The following FAM227A variants were observed in gnomAD, a reference collection of about 807,000 sequenced individuals.
The protein encoded by FAM227A is family with sequence similarity 227 member A.
Under a neutral mutation model 74.7 loss-of-function variants are expected in FAM227A, and 80 were observed. The observed-to-expected ratio is 1.07, with a 90% CI of 0.89 to 1.29. The LOEUF (loss-of-function observed/expected upper bound fraction) is 1.29, where lower values mean the gene tolerates loss of function less well. FAM227A is among the 50% of genes most tolerant of loss of function. FAM227A has a pLI of 0.00. For missense variants in FAM227A, 654 were observed against 683.4 expected, an observed-to-expected ratio of 0.96 and a Z score of 0.48; for synonymous variants, 237 against 241.8, an observed-to-expected ratio of 0.98 and a Z score of 0.19.
intron 6 of FAM227A, 134 bp from the exon 7 acceptor site, chr22:38,629,069 C>A: frequency 1.7e-6 from 1 of 605,832 alleles, no homozygotes; most frequent in Admixed American, 3.1e-5. Context: ...ATTTTACATA[C>A]TCTCATTTAA....
At chr22:38,597,121 C>A in intron 15 of FAM227A, 83 bp downstream of exon 15, 1 of 1,380,858 alleles carries the variant, frequency 7.2e-7, no homozygotes, top group Non-Finnish European at 1.0e-6. Context: ...CCCTGCCCCA[C>A]CAACCCATTT....
At chr22:38,627,304 A>G (rs896821740) in intron 8 of FAM227A, among the ~76,000 whole-genome samples, 8 of 152,088 alleles carry the variant, frequency 5.3e-5, no homozygotes, top group African/African-American at 1.9e-4. Flanking sequence ...GCAGTGGCTC[A>G]TGCCTGTAAT....
intron 11 of FAM227A, among the ~76,000 whole-genome samples, chr22:38,613,238 A>ATATC (rs772006731): frequency 7.7e-5 from 6 of 78,304 alleles, no homozygotes; most frequent in South Asian, 3.1e-4. Context: ...TTATATATAT[A>ATATC]ATATATAATA....
chr22:38,600,950 CAA>C (rs1175644017), intron 13 of FAM227A, among the ~76,000 whole-genome samples: 22 of 76,836 alleles, frequency 2.9e-4, no homozygotes, highest in Non-Finnish European at 1.8e-4. Flanking sequence ...GACTCCGTCT[CAA>C]AAAAAAAAAA....
Position 38,621,263 on chromosome 22 carries a change from T to A in FAM227A, c.959-972A>T, listed in dbSNP as rs547074446. Reference sequence around the variant, plus strand: ...TACTTGGGAGGCTGAGGCTCAAGAATCGCTTGAACCTGGAAGGCAGAGGTT... The same window carrying A: ...TACTTGGGAGGCTGAGGCTCAAGAAACGCTTGAACCTGGAAGGCAGAGGTT... On this transcript the variant is annotated intron_variant, in intron 10 of 16. Coordinates refer to ENST00000535113, the MANE Select transcript of FAM227A (RefSeq NM_001013647.2). 2.0e-5 allele frequency among the ~76,000 whole-genome samples: 3 copies of A among 149,746 alleles called. No homozygotes were observed. In the East Asian group the frequency reaches 5.9e-4, roughly 30 times the overall value.
At chr22:38,621,917 AT>A (rs2091699499) in intron 10 of FAM227A, among the ~76,000 whole-genome samples, 1 of 151,980 alleles carries the variant, frequency 6.6e-6, no homozygotes, top group Non-Finnish European at 1.5e-5. Flanking sequence ...ACCCCTCTGA[AT>A]CCCCCCCACT....
intron 6 of FAM227A, 97 bp from the exon 7 acceptor site, chr22:38,629,032 A>G: frequency 1.4e-6 from 1 of 719,528 alleles, no homozygotes; most frequent in Non-Finnish European, 2.3e-6. Context: ...AAACCACCTA[A>G]TCTGTTAGTG....
Position 38,599,941 on chromosome 22 carries a change from G to C in FAM227A, c.1222-20C>G, listed in dbSNP as rs755634133. The C allele has an allele frequency of 6.6e-7, 1 of 1,521,902 alleles. No individual in the cohort carries two copies. Among genetic ancestry groups the C allele is most frequent in the South Asian group, 1.3e-5 (1 of 79,804 alleles). The allele number at this position is 1,521,902 out of a possible 1,614,324, so 94.3% of individuals were successfully genotyped here. ...ACACGACTAAGGATGAAAGAAAAAG[G>C]AAAAATAAAGGATATTGTCATTTTT... On this transcript the variant is annotated intron_variant, in intron 13 of 16. Transcript: ENST00000535113.
At chr22:38,642,452 A>G (rs1343555463) in intron 3 of FAM227A, among the ~76,000 whole-genome samples, 1 of 152,232 alleles carries the variant, frequency 6.6e-6, no homozygotes, top group African/African-American at 2.4e-5. Context: ...CACCTAGGTG[A>G]CCTTGGGTTT....
chr22:38,626,243 A>G lies in FAM227A; in HGVS notation c.787T>C (p.Ser263Pro), dbSNP rs914859692. 4 of 1,551,610 alleles carry G rather than the reference A, an allele frequency of 2.6e-6. No homozygotes were observed. In the African/African-American group the frequency reaches 4.1e-5, roughly 16 times the overall value. ...YTSFCCCFPQ[S>P]WFDTHEFKSD... ...TTGAATTCGTGCGTGTCGAACCAGG[A>G]CTGTGGAAAGCAGCAACAGAAGCTG... The change falls in exon 9 of 17, where the codon TCC becomes CCC. Residue 263 changes from serine (S) to proline (P), a missense_variant. Coordinates refer to ENST00000535113, the MANE Select transcript of FAM227A (RefSeq NM_001013647.2).
chr22:38,640,743 C>G (rs1175986651), intron 3 of FAM227A, among the ~76,000 whole-genome samples: 1 of 152,168 alleles, frequency 6.6e-6, no homozygotes, highest in South Asian at 2.1e-4. Context: ...AGAGCAGTCA[C>G]AGAGGACTGT....
intron 6 of FAM227A, among the ~76,000 whole-genome samples, chr22:38,629,273 G>A (rs919592491): frequency 1.3e-5 from 2 of 152,176 alleles, no homozygotes; most frequent in African/African-American, 2.4e-5. Flanking sequence ...CGCAGTTAAT[G>A]GGCAAACATA....
chr22:38,580,026 T>C lies in FAM227A; in HGVS notation c.*6099A>G, dbSNP rs774114950. 11 of 152,126 alleles carry C rather than the reference T, an allele frequency of 7.2e-5. No individual in the cohort carries two copies. The highest frequency in any genetic ancestry group is 1.6e-4 in the Non-Finnish European group (11 of 68,046). 9.4% of individuals were successfully genotyped at this position (152,126 alleles called of 1,614,324 possible). A position where few individuals can be genotyped will look rare whatever the true frequency, so the allele number is the denominator to read the frequency against. ...CCCTCCAACTCCCAGGCTTAAGCAA[T>C]TCTCCCACGTCAGCCTCCCAAGTAG... On this transcript the variant is annotated 3_prime_UTR_variant, in exon 17 of 17. Coordinates refer to ENST00000535113, the MANE Select transcript of FAM227A (RefSeq NM_001013647.2).
chr22:38,604,456 C>T (rs1006451031), intron 13 of FAM227A, among the ~76,000 whole-genome samples: 1 of 152,156 alleles, frequency 6.6e-6, no homozygotes, highest in African/African-American at 2.4e-5. Flanking sequence ...GGTCCCACTA[C>T]ACAAGACTGA....
chr22:38,591,522 A>G lies in FAM227A; in HGVS notation c.1551T>C (p.Asp517=). ...CCTTTTTTGTATCTGCTGCTTTTGG[A>G]TCAATATTCTTCATTTCCCTGGGAG... is the stretch of plus-strand genomic sequence containing the variant. ...DNFSREMKNI[D]PKAADTKKAN... The change falls in exon 16 of 17, where the codon GAT becomes GAC. Residue 517 remains aspartate (D), a synonymous_variant. Coordinates refer to ENST00000535113, the MANE Select transcript of FAM227A (RefSeq NM_001013647.2). The G allele has an allele frequency of 6.5e-7, 1 of 1,544,534 alleles. No homozygotes were observed. Among genetic ancestry groups the G allele is most frequent in the Non-Finnish European group, 8.7e-7 (1 of 1,144,688 alleles).
Sources: allele counts gnomAD v4.1 joint callset (sites outside exome capture counted in the v4.1 genomes callset), GRCh38; gene constraint gnomAD v4.1.1; transcripts MANE v1.5; gene names NCBI Gene and HGNC (gene_info 2026-07-23, HGNC 2026-07-21).